MTUS2: variants seen among roughly 807,000 people sequenced by gnomAD.
MTUS2 encodes microtubule associated scaffold protein 2.
Under a neutral mutation model 114.1 loss-of-function variants are expected in MTUS2, and 40 were observed. The ratio of observed to expected loss-of-function variants is 0.35; its 90% CI spans 0.27 to 0.46. MTUS2 has a LOEUF of 0.46. Ranked by LOEUF, MTUS2 falls within the 20% of genes least tolerant of loss-of-function variation. The pLI, the probability that MTUS2 is intolerant of heterozygous loss-of-function variation, is 1.00. For synonymous variants in MTUS2, 688 were observed against 672.0 expected (o/e 1.02, Z -0.37); for missense variants, 1,679 against 1,705.4 (o/e 0.98, Z 0.27).
chr13:29,157,195 T>C (rs1892898613), intron 5 of MTUS2, among the ~76,000 whole-genome samples: 1 of 152,136 alleles, frequency 6.6e-6, no homozygotes, highest in Non-Finnish European at 1.5e-5. Context: ...TCTGCACATA[T>C]CTTTTGTGCA....
intron 5 of MTUS2, among the ~76,000 whole-genome samples, chr13:29,210,873 T>A (rs112234649): frequency 0.025 from 3,734 of 152,200 alleles, 152 homozygotes; most frequent in African/African-American, 0.085. Context: ...GTTTGTAGTT[T>A]TTAGTGCACT....
At chr13:29,318,571 C>G (rs1193227352) in intron 6 of MTUS2, among the ~76,000 whole-genome samples, 4 of 151,982 alleles carry the variant, frequency 2.6e-5, no homozygotes, top group African/African-American at 9.7e-5. Flanking sequence ...GATTGGGCAG[C>G]TTTAGGGCCC....
At position 29,428,988 on chromosome 13, in the gene MTUS2, A is replaced by G; in HGVS notation, c.3118-10995A>G. On this transcript the variant is annotated intron_variant, in intron 8 of 15. Coordinates refer to ENST00000612955, the MANE Select transcript of MTUS2 (RefSeq NM_001033602.4). ...CAGCCACCTCGGTGCCTGTCCCCCT[A>G]GCATGCGTGTGCGCTTTGTTGGTGA... is the stretch of plus-strand genomic sequence containing the variant. 3 of 1,273,092 alleles carry G rather than the reference A, an allele frequency of 2.4e-6. No homozygotes were observed. In the South Asian group the frequency reaches 3.6e-5, roughly 15 times the overall value. 78.9% of individuals were successfully genotyped at this position (1,273,092 alleles called of 1,614,324 possible).
Position 29,048,224 on chromosome 13 carries a change from C to T in MTUS2, c.2446+14099C>T, listed in dbSNP as rs555059547. ...TTTCTCTACAGTTCTTATTTAGGTC[C>T]TTTTTATGTTCCTTGTCTTACTTGA... On this transcript the variant is annotated intron_variant, in intron 4 of 15. Transcript: ENST00000612955. Among the ~76,000 whole-genome samples, 11 of 152,138 alleles carry T rather than the reference C, an allele frequency of 7.2e-5. No individual in the cohort carries two copies. The East Asian group carries it at 1.9e-3, about 27-fold the overall frequency.
intron 8 of MTUS2, among the ~76,000 whole-genome samples, chr13:29,436,439 A>T (rs926136332): frequency 6.6e-6 from 1 of 152,214 alleles, no homozygotes; most frequent in Non-Finnish European, 1.5e-5. Context: ...GGCTTACCTA[A>T]CATTGTGCCT....
At chr13:29,415,775 T>G (rs1875615593) in intron 8 of MTUS2, among the ~76,000 whole-genome samples, 1 of 152,170 alleles carries the variant, frequency 6.6e-6, no homozygotes, top group Non-Finnish European at 1.5e-5. Context: ...TTCTTGTGTT[T>G]CTTTTATCTG....
intron 11 of MTUS2, among the ~76,000 whole-genome samples, chr13:29,492,021 G>GTT (rs1555286282): frequency 2.2e-5 from 3 of 137,942 alleles, no homozygotes; most frequent in African/African-American, 8.6e-5. Flanking sequence ...GTGTGTGGTA[G>GTT]GTGTGTGTGT....
chr13:29,137,515 A>T (rs1892031079), intron 5 of MTUS2, among the ~76,000 whole-genome samples: 1 of 151,780 alleles, frequency 6.6e-6, no homozygotes, highest in Non-Finnish European at 1.5e-5. Context: ...CAAGTCCCTT[A>T]GAGCTCTGTT....
chr13:29,403,839 A>G (rs1197541220), intron 8 of MTUS2, among the ~76,000 whole-genome samples: 1 of 152,032 alleles, frequency 6.6e-6, no homozygotes, highest in Admixed American at 6.6e-5. Context: ...CTTTCGATCC[A>G]TCTATCTCCC....
intron 5 of MTUS2, among the ~76,000 whole-genome samples, chr13:29,158,358 C>CTTTTTTTTTTT (rs372666382): frequency 3.1e-5 from 1 of 32,048 alleles, no homozygotes; most frequent in Admixed American, 4.2e-4. Flanking sequence ...GTCCACCCCG[C>CTTTTTTTTTTT]TTTTTTTTTT....
At chr13:28,846,348 G>A (rs888274364) in intron 2 of MTUS2, among the ~76,000 whole-genome samples, 2 of 152,136 alleles carry the variant, frequency 1.3e-5, no homozygotes, top group African/African-American at 2.4e-5. Flanking sequence ...TAAAGAACAC[G>A]AAAGAATTAT....
chr13:29,251,035 G>A (rs7987114), intron 5 of MTUS2, among the ~76,000 whole-genome samples: 2,458 of 152,226 alleles, frequency 0.016, 75 homozygotes, highest in African/African-American at 0.057. Flanking sequence ...CACATGAAAT[G>A]CTCCCTCTTT....
chr13:29,251,318 T>TAATAATAATAATAAA (rs1035606030), intron 5 of MTUS2, among the ~76,000 whole-genome samples: 3 of 151,154 alleles, frequency 2.0e-5, no homozygotes, highest in African/African-American at 7.3e-5. Context: ...ATAATAATAA[T>TAATAATAATAATAAA]AAATGCCTAC....
chr13:29,168,378 G>C (rs1182361580), intron 5 of MTUS2, among the ~76,000 whole-genome samples: 1 of 152,126 alleles, frequency 6.6e-6, no homozygotes, highest in African/African-American at 2.4e-5. Context: ...AATGTGAGGT[G>C]ATGGCTCTGT....
intron 1 of MTUS2, among the ~76,000 whole-genome samples, chr13:28,830,130 T>C (rs1314505548): frequency 6.6e-6 from 1 of 152,178 alleles, no homozygotes; most frequent in Non-Finnish European, 1.5e-5. Context: ...ACATAATTAG[T>C]CTGGGAAATA....
rs149132585 is a variant in MTUS2, at chr13:29,135,121, G to A, written c.2644+34151G>A. Among the ~76,000 whole-genome samples, 390 of 152,180 alleles carry A rather than the reference G, an allele frequency of 2.6e-3. 4 individuals are homozygous for A. Among genetic ancestry groups the A allele is most frequent in the African/African-American group, 8.6e-3 (358 of 41,504 alleles). On this transcript the variant is annotated intron_variant, in intron 5 of 15. Transcript: ENST00000612955. ...CACTGTCCCACTTTGTTCCACCCAC[G>A]TCAGAACCATCCCTTTGTCCAGCAT...
chr13:29,264,255 A>G lies in MTUS2; in HGVS notation c.2645-17449A>G, dbSNP rs143875569. The stretch of plus-strand genomic sequence containing the variant: ...TCCCACATCCAGGGCACACTAGTGC[A>G]TGGGGTGAGCTCCCAAGGCCTTAGG... On this transcript the variant is annotated intron_variant, in intron 5 of 15. Transcript: ENST00000612955. Among the ~76,000 whole-genome samples, 18 of 152,384 alleles carry G rather than the reference A, an allele frequency of 1.2e-4. No homozygotes were observed. In the East Asian group the frequency reaches 3.3e-3, roughly 28 times the overall value.
chr13:29,048,249 A>G (rs1408923330), intron 4 of MTUS2, among the ~76,000 whole-genome samples: 1 of 152,070 alleles, frequency 6.6e-6, no homozygotes, highest in Non-Finnish European at 1.5e-5. Context: ...GTCTTACTTG[A>G]CATGTTAAGT....
chr13:28,906,687 T>C (rs1464751579), intron 2 of MTUS2, among the ~76,000 whole-genome samples: 1 of 151,596 alleles, frequency 6.6e-6, no homozygotes, highest in African/African-American at 2.4e-5. Context: ...ATGTGGTCAA[T>C]TTTGGGATAG....
Sources: allele counts gnomAD v4.1 joint callset (sites outside exome capture counted in the v4.1 genomes callset), GRCh38; gene constraint gnomAD v4.1.1; transcripts MANE v1.5; gene names NCBI Gene and HGNC (gene_info 2026-07-23, HGNC 2026-07-21).